FOXO3: variants seen among roughly 807,000 people sequenced by gnomAD.
The protein encoded by FOXO3 is forkhead box O3.
In FOXO3, 4 loss-of-function variants were observed where a neutral mutation model predicts 41.9. That is an observed-to-expected ratio of 0.10 (90% CI 0.05 to 0.22). FOXO3 has a LOEUF of 0.22. Among genes scored for constraint, FOXO3 ranks in the 10% least tolerant of loss-of-function variants. The probability of loss-of-function intolerance (pLI) is 1.00; values close to 1 mark genes in which losing one functional copy is unlikely to be tolerated. For missense variants in FOXO3, 534 were observed against 906.8 expected (o/e 0.59, Z 5.28); for synonymous variants, 318 against 389.3 (o/e 0.82, Z 2.16).
chr6:108,641,160 T>C (rs764237113), intron 1 of FOXO3, among the ~76,000 whole-genome samples: 1 of 152,158 alleles, frequency 6.6e-6, no homozygotes, highest in Non-Finnish European at 1.5e-5. Context: ...TCTGCCCACC[T>C]TGGCCTCCCA....
intron 2 of FOXO3, among the ~76,000 whole-genome samples, chr6:108,669,045 G>A (rs1039350962): frequency 4.6e-5 from 7 of 152,132 alleles, no homozygotes; most frequent in African/African-American, 9.7e-5. Flanking sequence ...CCCAGGAGGC[G>A]GAGCTTGCAG....
intron 1 of FOXO3, among the ~76,000 whole-genome samples, chr6:108,653,983 G>C (rs778861274): frequency 6.6e-6 from 1 of 152,210 alleles, no homozygotes; most frequent in African/African-American, 2.4e-5. Flanking sequence ...AACATCACAG[G>C]AGAAGCTTGG....
intron 1 of FOXO3, among the ~76,000 whole-genome samples, chr6:108,592,737 A>G (rs1776762086): frequency 6.6e-6 from 1 of 152,160 alleles, no homozygotes; most frequent in Non-Finnish European, 1.5e-5. Flanking sequence ...ATAAAGTGTC[A>G]TGAATTTTGC....
intron 2 of FOXO3, among the ~76,000 whole-genome samples, chr6:108,673,085 C>A (rs1163638891): frequency 6.6e-6 from 1 of 152,196 alleles, no homozygotes; most frequent in Non-Finnish European, 1.5e-5. Context: ...TACCGCCCAA[C>A]GTAGTTATAA....
intron 1 of FOXO3, among the ~76,000 whole-genome samples, chr6:108,646,326 T>C (rs1384476170): frequency 6.6e-6 from 1 of 152,166 alleles, no homozygotes; most frequent in African/African-American, 2.4e-5. Flanking sequence ...CAGCTAAAAA[T>C]TGGCATTGTG....
In FOXO3 at chr6:108,663,601, T is replaced by C. The variant is rs372676805; in HGVS notation, c.768T>C (p.Asn256=). The C allele has an allele frequency of 1.4e-5, 23 of 1,613,322 alleles. No individual in the cohort carries two copies. In the African/African-American group the frequency reaches 2.3e-4, roughly 16 times the overall value. The part of the protein sequence containing the change: ...APRRRAVSMD[N]SNKYTKSRGR... Reference sequence around the variant, plus strand: ...GGCGGCGGGCTGTCTCCATGGACAATAGCAACAAGTATACCAAGAGCCGTG... The same window carrying C: ...GGCGGCGGGCTGTCTCCATGGACAACAGCAACAAGTATACCAAGAGCCGTG... Residue 256 remains asparagine (N), a synonymous_variant, in exon 2 of 3, where the codon AAT becomes AAC. Transcript: ENST00000406360.
chr6:108,589,696 T>C (rs1402793547), intron 1 of FOXO3, among the ~76,000 whole-genome samples: 1 of 152,178 alleles, frequency 6.6e-6, no homozygotes, highest in East Asian at 1.9e-4. Context: ...TCATGTGAGT[T>C]CCTGTGACTG....
intron 1 of FOXO3, among the ~76,000 whole-genome samples, chr6:108,610,989 A>G (rs1046027324): frequency 3.3e-5 from 5 of 152,194 alleles, no homozygotes; most frequent in Non-Finnish European, 7.3e-5. Context: ...CATCGCCACA[A>G]AAAATTCCCT....
chr6:108,600,080 G>A (rs1167676177), intron 1 of FOXO3, among the ~76,000 whole-genome samples: 2 of 152,144 alleles, frequency 1.3e-5, no homozygotes, highest in Non-Finnish European at 2.9e-5. Context: ...TTGGCCTGCA[G>A]TTAGAAGTCG....
intron 1 of FOXO3, among the ~76,000 whole-genome samples, chr6:108,577,877 CT>C (rs2128359153): frequency 6.6e-6 from 1 of 152,292 alleles, no homozygotes; most frequent in East Asian, 1.9e-4. Context: ...CTGTGTTTAA[CT>C]GGGGTCTCCT....
At position 108,593,712 on chromosome 6, in the gene FOXO3, CT is replaced by C. The variant is rs34228633; in HGVS notation, c.621+31905del. Among the ~76,000 whole-genome samples, 629 of 83,314 alleles carry C rather than the reference CT, an allele frequency of 7.5e-3. 6 individuals are homozygous for C. The highest frequency in any genetic ancestry group is 0.029 in the African/African-American group (561 of 19,222). 54.7% of individuals were successfully genotyped at this position (83,314 alleles called of 152,430 possible). ...TGTATTTTTCTTTTCTTTTCTTCTT[CT>C]TTTTTTTTTTTTTTTTTTTTTGAGA... On this transcript the variant is annotated intron_variant, in intron 1 of 2. Transcript: ENST00000406360.
In FOXO3 at chr6:108,597,502, C is replaced by G. The variant is rs372938090; in HGVS notation, c.621+35673C>G. 2.2e-4 allele frequency among the ~76,000 whole-genome samples: 33 copies of G among 152,160 alleles called. 1 individual carries two copies. The East Asian group carries it at 3.9e-3, about 18-fold the overall frequency. On this transcript the variant is annotated intron_variant, in intron 1 of 2. Coordinates refer to ENST00000406360, the MANE Select transcript of FOXO3 (RefSeq NM_001455.4). ...ATTGGATCAGAACATCCCCATGCTGCCTTGTGGTATTTGTACCTAACAAAT... is the reference window on the plus strand; with the variant it reads ...ATTGGATCAGAACATCCCCATGCTGGCTTGTGGTATTTGTACCTAACAAAT...
intron 1 of FOXO3, among the ~76,000 whole-genome samples, chr6:108,639,309 C>T (rs548498059): frequency 6.6e-6 from 1 of 152,246 alleles, no homozygotes; most frequent in African/African-American, 2.4e-5. Flanking sequence ...ACAAGAACTC[C>T]ACTAGCTGCC....
At chr6:108,592,196 T>G (rs1776748240) in intron 1 of FOXO3, among the ~76,000 whole-genome samples, 2 of 152,274 alleles carry the variant, frequency 1.3e-5, no homozygotes, top group East Asian at 1.9e-4. Flanking sequence ...TATATCTTAA[T>G]TGTGGTGGTG....
chr6:108,562,594 G>C (rs533617355), intron 1 of FOXO3, among the ~76,000 whole-genome samples: 20 of 152,286 alleles, frequency 1.3e-4, no homozygotes, highest in African/African-American at 4.6e-4. Context: ...CACTGTTTGA[G>C]GGAAGGGCTC....
intron 2 of FOXO3, among the ~76,000 whole-genome samples, chr6:108,665,596 G>T (rs980461831): frequency 6.6e-6 from 1 of 152,134 alleles, no homozygotes; most frequent in African/African-American, 2.4e-5. Flanking sequence ...ACTGAAGCAG[G>T]AATTGCTTGA....
intron 1 of FOXO3, among the ~76,000 whole-genome samples, chr6:108,638,424 T>TGG (rs1778173124): frequency 6.6e-6 from 1 of 152,322 alleles, no homozygotes; most frequent in African/African-American, 2.4e-5. Flanking sequence ...GTAGGAAGTG[T>TGG]GGGTCCTGAC....
At chr6:108,666,258 T>C (rs1320777908) in intron 2 of FOXO3, among the ~76,000 whole-genome samples, 4 of 152,138 alleles carry the variant, frequency 2.6e-5, no homozygotes, top group Admixed American at 1.3e-4. Flanking sequence ...TACTGACAAA[T>C]GGGCAAGCAG....
intron 1 of FOXO3, among the ~76,000 whole-genome samples, chr6:108,622,046 G>A (rs762976699): frequency 1.1e-4 from 16 of 151,942 alleles, no homozygotes; most frequent in South Asian, 2.1e-4. Context: ...GAGATCAGGC[G>A]TTTGAGACCA....
Sources: allele counts gnomAD v4.1 joint callset (sites outside exome capture counted in the v4.1 genomes callset), GRCh38; gene constraint gnomAD v4.1.1; transcripts MANE v1.5; gene names NCBI Gene and HGNC (gene_info 2026-07-23, HGNC 2026-07-21).